The following RALB variants were observed in gnomAD, a reference collection of about 807,000 sequenced individuals.
RALB encodes the protein ras-related protein Ral-B.
Under a neutral mutation model 21.3 loss-of-function variants are expected in RALB, and 16 were observed. That is an observed-to-expected ratio of 0.75 (90% CI 0.51 to 1.14). RALB has a LOEUF of 1.14. RALB is among the 50% of genes most tolerant of loss of function. The pLI is 0.00. For missense variants in RALB, 161 were observed against 256.2 expected (o/e 0.63, Z 2.54); for synonymous variants, 93 against 96.1 (o/e 0.97, Z 0.19).
intron 2 of RALB, chr2:120,280,957 T>G (rs544098925): frequency 1.7e-5 from 7 of 401,016 alleles, no homozygotes; most frequent in Non-Finnish European, 3.4e-5. Context: ...TGCTGGATTT[T>G]GTGATGTCAG....
At chr2:120,248,729 T>C (rs562975505), upstream of RALB, among the ~76,000 whole-genome samples, 70 of 152,346 alleles carry the variant, frequency 4.6e-4, no homozygotes, top group South Asian at 1.7e-3. Flanking sequence ...CTCAGCTCAT[T>C]GCAACCTCTG....
intron 1 of RALB, among the ~76,000 whole-genome samples, chr2:120,256,808 G>A (rs1205380930): frequency 6.6e-6 from 1 of 152,210 alleles, no homozygotes; most frequent in African/African-American, 2.4e-5. Context: ...ATGTGGGAAA[G>A]GACTACAAGA....
chr2:120,289,559 A>AT, intron 3 of RALB, 21 bp from the exon 4 acceptor site: 2 of 1,606,318 alleles, frequency 1.2e-6, no homozygotes, highest in Non-Finnish European at 1.7e-6. Flanking sequence ...TAGCTGCTGT[A>AT]TTTTTGGTGT....
intron 2 of RALB, among the ~76,000 whole-genome samples, chr2:120,283,849 T>C (rs1017301081): frequency 3.3e-5 from 5 of 152,224 alleles, no homozygotes; most frequent in African/African-American, 1.2e-4. Flanking sequence ...GACTTTGTGA[T>C]TTTCTGTTTC....
intron 1 of RALB, among the ~76,000 whole-genome samples, chr2:120,278,073 G>A (rs906026667): frequency 2.0e-5 from 3 of 151,734 alleles, no homozygotes; most frequent in African/African-American, 7.3e-5. Context: ...GTGAGTGTGA[G>A]CATGTGTGTG....
chr2:120,270,855 T>C (rs1689645347), intron 1 of RALB, among the ~76,000 whole-genome samples: 2 of 152,104 alleles, frequency 1.3e-5, no homozygotes, highest in South Asian at 4.1e-4. Flanking sequence ...GTCCCTACAT[T>C]GTCCCAGCTT....
chr2:120,278,880 C>T (rs775845763), intron 2 of RALB, 102 bp downstream of exon 2: 45 of 1,125,462 alleles, frequency 4.0e-5, no homozygotes, highest in Middle Eastern at 3.0e-4. Context: ...CAGGGGTTCA[C>T]GGAGCAAGTC....
At chr2:120,278,508 C>A (rs962715563) in intron 1 of RALB, 110 bp from the exon 2 acceptor site, 1 of 1,064,384 alleles carries the variant, frequency 9.4e-7, no homozygotes, top group African/African-American at 1.7e-5. Flanking sequence ...GATTACTTTC[C>A]TGTTGGAATG....
chr2:120,251,850 G>C (rs1689063213), upstream of RALB, among the ~76,000 whole-genome samples: 1 of 152,194 alleles, frequency 6.6e-6, no homozygotes, highest in South Asian at 2.1e-4. Flanking sequence ...TAAAGCTTCT[G>C]TGCTTTTTGA....
In RALB at chr2:120,277,957, G is replaced by GAA. The variant is rs1404620470; in HGVS notation, c.-47-661_-47-660insAA. On this transcript the variant is annotated intron_variant, in intron 1 of 4. Coordinates refer to ENST00000272519, the MANE Select transcript of RALB (RefSeq NM_002881.3). ...TGTGAGCGAGTGTGAATGTGTGAATGTGAGTGAATGTGTGTGAATAAGAGC... is the reference window on the plus strand; with the variant it reads ...TGTGAGCGAGTGTGAATGTGTGAATGAATGAGTGAATGTGTGTGAATAAGAGC... Among the ~76,000 whole-genome samples, 5 of 144,670 alleles carry GAA rather than the reference G, an allele frequency of 3.5e-5. No individual in the cohort carries two copies. The South Asian group carries it at 6.7e-4, about 19-fold the overall frequency. 94.9% of individuals were successfully genotyped at this position (144,670 alleles called of 152,430 possible). A position where few individuals can be genotyped will look rare whatever the true frequency, so the allele number is the denominator to read the frequency against.
intron 1 of RALB, among the ~76,000 whole-genome samples, chr2:120,246,501 G>C (rs1176769278): frequency 6.6e-6 from 1 of 152,228 alleles, no homozygotes; most frequent in African/African-American, 2.4e-5. Flanking sequence ...ACGTCTAACA[G>C]TGCCAAGCCC....
chr2:120,275,379 T>G (rs532769262), intron 1 of RALB, among the ~76,000 whole-genome samples: 93 of 152,372 alleles, frequency 6.1e-4, no homozygotes, highest in African/African-American at 2.1e-3. Context: ...GATTCTCTCC[T>G]GTTTGGGGAT....
At chr2:120,285,541 C>A (rs1441677451) in intron 2 of RALB, among the ~76,000 whole-genome samples, 4 of 150,168 alleles carry the variant, frequency 2.7e-5, no homozygotes, top group African/African-American at 7.4e-5. Context: ...GCACATTGTG[C>A]ATATGTACCC....
At chr2:120,253,529 GC>G in intron 1 of RALB, 1 of 985,690 alleles carries the variant, frequency 1.0e-6, no homozygotes, top group Non-Finnish European at 1.2e-6. Context: ...ATAGGGGCCA[GC>G]GGCGAAGGGG....
chr2:120,253,066 C>G (rs1358234259), intron 1 of RALB, 86 bp downstream of exon 1: 5 of 862,462 alleles, frequency 5.8e-6, no homozygotes, highest in Non-Finnish European at 7.0e-6. Context: ...GCCTCTTGCT[C>G]CCTCCGTGCC....
intron 1 of RALB, among the ~76,000 whole-genome samples, chr2:120,257,417 CCTATAGGTGGAGAGAAGAGTTT>C (rs1339686800): frequency 6.6e-6 from 1 of 152,170 alleles, no homozygotes; most frequent in Non-Finnish European, 1.5e-5. Context: ...TCCTGAAGTG[CCTATAGGTGGAGAGAAGAGTTT>C]CTGGATCCTG....
In RALB at chr2:120,281,812, AAG is replaced by A. The variant is rs755226861; in HGVS notation, c.114+3039_114+3040del. On this transcript the variant is annotated intron_variant, in intron 2 of 4. Transcript: ENST00000272519. The stretch of plus-strand genomic sequence containing the variant: ...TTCTCCCCTATAACAGAGGTTGGGG[AAG>A]AGAGGGGGTGGTGAGTAGGGGAATT... Among the ~76,000 whole-genome samples the A allele has an allele frequency of 3.7e-4, 57 of 152,226 alleles. 1 individual carries two copies. The highest frequency in any genetic ancestry group is 2.5e-3 in the South Asian group (12 of 4,814).
chr2:120,259,572 G>T (rs1689294016), intron 1 of RALB, among the ~76,000 whole-genome samples: 1 of 152,006 alleles, frequency 6.6e-6, no homozygotes, highest in African/African-American at 2.4e-5. Flanking sequence ...GTGTCGATTG[G>T]TGCACTCACA....
chr2:120,280,972 G>T, intron 2 of RALB: 1 of 348,440 alleles, frequency 2.9e-6, no homozygotes, highest in African/African-American at 2.9e-5. Context: ...TGTCAGTGCT[G>T]TTTGTATTAG....
Sources: allele counts gnomAD v4.1 joint callset (sites outside exome capture counted in the v4.1 genomes callset), GRCh38; gene constraint gnomAD v4.1.1; transcripts MANE v1.5; gene names NCBI Gene and HGNC (gene_info 2026-07-23, HGNC 2026-07-21).